Variants in RPL12 observed in about 807,000 individuals in gnomAD.
RPL12 encodes the protein ribosomal protein L12, also known as large ribosomal subunit protein uL11.
RPL12 carries 10 observed loss-of-function variants against 24.5 expected under a neutral mutation model. That is an observed-to-expected ratio of 0.41 (90% CI 0.25 to 0.69). The LOEUF is 0.69. Among genes scored for constraint, RPL12 ranks in the 30% least tolerant of loss-of-function variants. The pLI is 0.33. For missense variants in RPL12, 137 were observed against 205.3 expected (o/e 0.67, Z 2.03); for synonymous variants, 74 against 76.1 (o/e 0.97, Z 0.14).
At chr9:127,449,212 A>G in intron 4 of RPL12, 69 bp downstream of exon 4, 1 of 1,335,540 alleles carries the variant, frequency 7.5e-7, no homozygotes, top group Non-Finnish European at 1.1e-6. Context: ...TTTAAGGGAA[A>G]ACACAGCCAC....
chr9:127,451,110 C>G (rs1834297734), intron 1 of RPL12, 171 bp downstream of exon 1: 1 of 870,694 alleles, frequency 1.1e-6, no homozygotes, highest in African/African-American at 1.7e-5. Flanking sequence ...CCCACCTACA[C>G]GTGAAGAAGC....
chr9:127,450,518 G>T, intron 2 of RPL12: 1 of 522,950 alleles, frequency 1.9e-6, no homozygotes, highest in South Asian at 2.8e-5. Context: ...AGCAGCAGTG[G>T]AGACACATGG....
chr9:127,451,339 A>C lies in RPL12; in HGVS notation c.-22T>G. ...GCATGGTGGAGGCGGCTGGTGTCGGATGAACCCGGATTCGGGACGACCGAA... is the reference window on the plus strand; with the variant it reads ...GCATGGTGGAGGCGGCTGGTGTCGGCTGAACCCGGATTCGGGACGACCGAA... On this transcript the variant is annotated 5_prime_UTR_variant, in exon 1 of 7. Transcript: ENST00000361436. 6.2e-7 allele frequency: 1 copy of C among 1,611,674 alleles called. No homozygotes were observed. The highest frequency in any genetic ancestry group is 2.2e-5 in the East Asian group (1 of 44,874).
chr9:127,449,195 G>C (rs1834225716), intron 4 of RPL12, 86 bp downstream of exon 4: 4 of 1,117,234 alleles, frequency 3.6e-6, no homozygotes, highest in African/African-American at 3.1e-5. Flanking sequence ...GTCAACCCCA[G>C]GTTTCCTTTA....
intron 4 of RPL12, 135 bp downstream of exon 4, chr9:127,449,146 G>A (rs781029505): frequency 3.0e-6 from 2 of 664,654 alleles, no homozygotes; most frequent in Non-Finnish European, 5.2e-6. Flanking sequence ...ATACTACCTG[G>A]CTCTAGCAGC....
Position 127,450,805 on chromosome 9 carries a change from C to G in RPL12, c.38-1G>C. ...TCACCTCCGGTGCACCTCAGGTATA[C>G]TGGGGGAAAAGAAGAGTTAGTGTCT... On this transcript the variant is annotated splice_acceptor_variant, in intron 1 of 6. Coordinates refer to ENST00000361436, the MANE Select transcript of RPL12 (RefSeq NM_000976.4). LOFTEE classifies it high-confidence loss of function. 6.4e-7 allele frequency: 1 copy of G among 1,563,578 alleles called. No individual in the cohort carries two copies. Among genetic ancestry groups the G allele is most frequent in the Non-Finnish European group, 8.6e-7 (1 of 1,156,154 alleles).
In RPL12 at chr9:127,447,724, ACT is replaced by A; in HGVS notation, c.493_494del (p.Ser165LeufsTer?). ...ATTGAAATGTTTTCCTTTGTGCTTA[ACT>A]CTGTGGGAAAGAAAAAAAAAATCAG... ...INSGAVECPA[S>X] On this transcript the variant is annotated frameshift_variant and splice_region_variant, in exon 7 of 7. Coordinates refer to ENST00000361436, the MANE Select transcript of RPL12 (RefSeq NM_000976.4). LOFTEE classifies it high-confidence loss of function. The A allele has an allele frequency of 6.2e-7, 1 of 1,613,510 alleles. No homozygotes were observed. Among genetic ancestry groups the A allele is most frequent in the Non-Finnish European group, 8.5e-7 (1 of 1,179,884 alleles).
rs1320548554 is a variant in RPL12 at position 127,449,216 on chromosome 9, C to T, written c.292+65G>A. On this transcript the variant is annotated intron_variant, in intron 4 of 6. Coordinates refer to ENST00000361436, the MANE Select transcript of RPL12 (RefSeq NM_000976.4). ...CCCAGGTTTCCTTTAAGGGAAAACA[C>T]AGCCACATATATCAAACATCTCACA... The T allele has an allele frequency of 3.7e-6, 5 of 1,360,988 alleles. No homozygotes were observed. In the East Asian group the frequency reaches 6.9e-5, roughly 19 times the overall value. The allele number at this position is 1,360,988 out of a possible 1,614,324, so 84.3% of individuals were successfully genotyped here.
In RPL12 at chr9:127,451,166, G is replaced by T. The variant is rs548935308; in HGVS notation, c.37+115C>A. On this transcript the variant is annotated intron_variant, in intron 1 of 6. Transcript: ENST00000361436. ...GCTTGGCCGGGGCGGCGCAACACCG[G>T]GAAGGTCTCTGGGAGGCAGCGGCTT... 1.1e-5 allele frequency: 16 copies of T among 1,399,236 alleles called. No homozygotes were observed. In the African/African-American group the frequency reaches 1.7e-4, roughly 15 times the overall value. The allele number at this position is 1,399,236 out of a possible 1,614,324, so 86.7% of individuals were successfully genotyped here.
intron 6 of RPL12, 75 bp downstream of exon 6, chr9:127,447,802 T>C: frequency 6.2e-7 from 1 of 1,612,232 alleles, no homozygotes; most frequent in African/African-American, 1.3e-5. Context: ...TTTCCAAAAC[T>C]TCCCAGCTTA....
intron 1 of RPL12, 32 bp downstream of exon 1, chr9:127,451,249 C>A: frequency 1.2e-6 from 2 of 1,609,992 alleles, no homozygotes; most frequent in Non-Finnish European, 8.5e-7. Flanking sequence ...GATGCTCCAT[C>A]CCGCAGCCCC....
At chr9:127,451,243 C>T in intron 1 of RPL12, 38 bp downstream of exon 1, 5 of 1,608,872 alleles carry the variant, frequency 3.1e-6, no homozygotes, top group Non-Finnish European at 4.2e-6. Context: ...CCGAGGGATG[C>T]TCCATCCCGC....
chr9:127,450,915 CAG>C, intron 1 of RPL12, 111 bp from the exon 2 acceptor site: 1 of 878,500 alleles, frequency 1.1e-6, no homozygotes, highest in Non-Finnish European at 1.8e-6. Context: ...CGAAACAGCA[CAG>C]AGCGCGAGGC....
intron 3 of RPL12, 41 bp downstream of exon 3, chr9:127,449,569 C>T: frequency 6.6e-7 from 1 of 1,511,224 alleles, no homozygotes; most frequent in Non-Finnish European, 9.2e-7. Flanking sequence ...TGCTACCTGT[C>T]CCCCCACCCT....
intron 5 of RPL12, 137 bp from the exon 6 acceptor site, chr9:127,448,126 G>T: frequency 8.8e-7 from 1 of 1,133,444 alleles, no homozygotes; most frequent in Non-Finnish European, 1.3e-6. Flanking sequence ...AGAATATAGA[G>T]TTCCATCTAG....
intron 1 of RPL12, 151 bp downstream of exon 1, chr9:127,451,130 G>A (rs979839526): frequency 9.2e-7 from 1 of 1,089,794 alleles, no homozygotes; most frequent in Admixed American, 2.8e-5. Flanking sequence ...CTAAGGCCCA[G>A]AAAGGCTGAG....
At position 127,448,329 on chromosome 9, in the gene RPL12, G is replaced by A. The variant is rs755320138; in HGVS notation, c.379+8C>T. 2.5e-6 allele frequency: 4 copies of A among 1,600,494 alleles called. No individual in the cohort carries two copies. The highest frequency in any genetic ancestry group is 1.7e-5 in the Admixed American group (1 of 59,982). On this transcript the variant is annotated splice_region_variant and intron_variant, in intron 5 of 6. Coordinates refer to ENST00000361436, the MANE Select transcript of RPL12 (RefSeq NM_000976.4). ...AGTTATGGCGGTTACATGTTGTCCT[G>A]CTCTTACCAGAGAGTTCTCTGGCTA...
At chr9:127,448,312 C>T (rs767588591) in intron 5 of RPL12, 25 bp downstream of exon 5, 25 of 1,543,006 alleles carry the variant, frequency 1.6e-5, no homozygotes, top group East Asian at 4.5e-5. Context: ...ACAGTTATGG[C>T]GGTTACATGT....
rs1284741940 is a variant in RPL12 at position 127,447,711 on chromosome 9, T to C, written c.*10A>G. The C allele has an allele frequency of 1.2e-6, 2 of 1,613,708 alleles. No individual in the cohort carries two copies. Among genetic ancestry groups the C allele is most frequent in the African/African-American group, 2.7e-5 (2 of 74,982 alleles). ...CAAATGATCCTTTATTGAAATGTTTTCCTTTGTGCTTAACTCTGTGGGAAA... is the reference window on the plus strand; with the variant it reads ...CAAATGATCCTTTATTGAAATGTTTCCCTTTGTGCTTAACTCTGTGGGAAA... On this transcript the variant is annotated 3_prime_UTR_variant, in exon 7 of 7. Coordinates refer to ENST00000361436, the MANE Select transcript of RPL12 (RefSeq NM_000976.4).
Sources: gnomAD v4.1 joint callset for allele counts on GRCh38, gnomAD v4.1.1 for gene constraint, MANE v1.5 for transcripts, NCBI Gene and HGNC (gene_info 2026-07-23, HGNC 2026-07-21) for gene names.